GALNT13: variants seen among roughly 807,000 people sequenced by gnomAD.
GALNT13 encodes the protein UDP-GalNAc:polypeptide N-acetylgalactosaminyltransferase 13.
A neutral mutation model predicts 64.2 loss-of-function variants in GALNT13; 28 were observed. The ratio of observed to expected loss-of-function variants is 0.44; its 90% CI spans 0.32 to 0.60. The LOEUF (loss-of-function observed/expected upper bound fraction) is 0.60, where lower values mean the gene tolerates loss of function less well. GALNT13 is among the 20% of genes least tolerant of loss of function. The probability of loss-of-function intolerance (pLI) is 0.05; values close to 1 mark genes in which losing one functional copy is unlikely to be tolerated. For missense variants in GALNT13, 577 were observed against 669.8 expected, an observed-to-expected ratio of 0.86 and a Z score of 1.53; for synonymous variants, 214 against 224.6, an observed-to-expected ratio of 0.95 and a Z score of 0.42.
the GALNT13 span, among the ~76,000 whole-genome samples, chr2:153,595,533 A>G: frequency 6.6e-6 from 1 of 152,032 alleles, no homozygotes; most frequent in Non-Finnish European, 1.5e-5. Context: ...CTTATTTCAT[A>G]AAGCCATTAA....
intron 8 of GALNT13, among the ~76,000 whole-genome samples, chr2:154,292,354 C>T (rs769032978): frequency 1.3e-5 from 2 of 152,132 alleles, no homozygotes; most frequent in Non-Finnish European, 2.9e-5. Flanking sequence ...TATTTCACTG[C>T]CATCACCTTG....
chr2:153,961,672 A>G (rs994335325), intron 3 of GALNT13, among the ~76,000 whole-genome samples: 6 of 152,198 alleles, frequency 3.9e-5, no homozygotes, highest in Non-Finnish European at 5.9e-5. Context: ...TAATCTTTAA[A>G]AAATGGAAAT....
chr2:153,914,315 C>A (rs1465494489), intron 2 of GALNT13, among the ~76,000 whole-genome samples: 1 of 151,930 alleles, frequency 6.6e-6, no homozygotes, highest in African/African-American at 2.4e-5. Context: ...GAAACCCCGT[C>A]TCTACTAAAA....
rs77743036 is a variant in GALNT13, at chr2:154,208,613, G to A, written c.312-33417G>A. 7.6e-3 allele frequency among the ~76,000 whole-genome samples: 1,044 copies of A among 137,280 alleles called. 9 individuals are homozygous for A. The highest frequency in any genetic ancestry group is 0.028 in the African/African-American group (1,009 of 36,360). The allele number at this position is 137,280 out of a possible 152,430, so 90.1% of individuals were successfully genotyped here. On this transcript the variant is annotated intron_variant, in intron 4 of 12. Coordinates refer to ENST00000392825, the MANE Select transcript of GALNT13 (RefSeq NM_052917.4). Reference sequence around the variant, plus strand: ...CACTGCCTTGTCTTATTTTAATCACGTTTTGCGTGTCTGTGTGTGTGTGTG... The same window carrying A: ...CACTGCCTTGTCTTATTTTAATCACATTTTGCGTGTCTGTGTGTGTGTGTG...
At chr2:153,435,377 T>A in the GALNT13 span, among the ~76,000 whole-genome samples, 1 of 152,296 alleles carries the variant, frequency 6.6e-6, no homozygotes, top group Non-Finnish European at 1.5e-5. Context: ...AAGTCATTGG[T>A]AGCTTGATGG....
chr2:153,297,714 T>C, the GALNT13 span, among the ~76,000 whole-genome samples: 2 of 152,302 alleles, frequency 1.3e-5, no homozygotes, highest in African/African-American at 4.8e-5. Flanking sequence ...TAATGAGCAG[T>C]CATTCAGGCT....
the GALNT13 span, among the ~76,000 whole-genome samples, chr2:153,519,504 C>CT: frequency 1.3e-5 from 2 of 151,814 alleles, no homozygotes; most frequent in Admixed American, 6.6e-5. Context: ...TCTTTTTTTT[C>CT]TTTTTAACTG....
At chr2:153,311,080 CAAT>C in the GALNT13 span, among the ~76,000 whole-genome samples, 1 of 152,000 alleles carries the variant, frequency 6.6e-6, no homozygotes, top group East Asian at 1.9e-4. Flanking sequence ...AGAAGGAAGA[CAAT>C]ATTTTCAGGG....
chr2:153,585,233 A>T, the GALNT13 span, among the ~76,000 whole-genome samples: 1 of 152,200 alleles, frequency 6.6e-6, no homozygotes, highest in Admixed American at 6.5e-5. Context: ...TTTACAAAAA[A>T]CAAACCAAAT....
chr2:154,206,724 C>A (rs1036996741), intron 4 of GALNT13, among the ~76,000 whole-genome samples: 2 of 151,306 alleles, frequency 1.3e-5, no homozygotes, highest in East Asian at 3.9e-4. Context: ...TTGAACCTTG[C>A]AGTGAGCCGA....
At chr2:153,621,107 A>G in the GALNT13 span, among the ~76,000 whole-genome samples, 1 of 152,016 alleles carries the variant, frequency 6.6e-6, no homozygotes, top group African/African-American at 2.4e-5. Context: ...TCTCCCAAAC[A>G]AACAGAGTCC....
At chr2:153,691,985 T>C in the GALNT13 span, among the ~76,000 whole-genome samples, 41 of 152,286 alleles carry the variant, frequency 2.7e-4, 1 homozygote, top group East Asian at 6.8e-3. Flanking sequence ...AAACACCATT[T>C]TGGAGAACAT....
At chr2:153,092,128 C>G in the GALNT13 span, among the ~76,000 whole-genome samples, 1 of 151,980 alleles carries the variant, frequency 6.6e-6, no homozygotes, top group Non-Finnish European at 1.5e-5. Context: ...GTTTTTGGCA[C>G]CTTTGTCAAA....
the GALNT13 span, among the ~76,000 whole-genome samples, chr2:153,506,843 T>C: frequency 6.6e-6 from 1 of 152,330 alleles, no homozygotes; most frequent in African/African-American, 2.4e-5. Flanking sequence ...TGTGATGAAT[T>C]TCCCAGGTGT....
the GALNT13 span, among the ~76,000 whole-genome samples, chr2:153,756,406 G>A: frequency 6.6e-6 from 1 of 152,076 alleles, no homozygotes. Context: ...ATTTAAAGGA[G>A]ACAGAACTAG....
At chr2:153,692,046 T>C in the GALNT13 span, among the ~76,000 whole-genome samples, 1 of 152,180 alleles carries the variant, frequency 6.6e-6, no homozygotes, top group Non-Finnish European at 1.5e-5. Context: ...ATGCCACATG[T>C]GTATGGAAAT....
intron 8 of GALNT13, among the ~76,000 whole-genome samples, chr2:154,290,660 G>A (rs771400656): frequency 1.3e-5 from 2 of 152,146 alleles, no homozygotes; most frequent in African/African-American, 2.4e-5. Flanking sequence ...CTGCTAGGAG[G>A]GCTCATGTTG....
Position 153,888,428 on chromosome 2 carries a change from C to G in GALNT13, c.-176-12508C>G, listed in dbSNP as rs1363911627. Among the ~76,000 whole-genome samples, 6 of 151,840 alleles carry G rather than the reference C, an allele frequency of 4.0e-5. No individual in the cohort carries two copies. The East Asian group carries it at 1.2e-3, about 29-fold the overall frequency. On this transcript the variant is annotated intron_variant, in intron 1 of 12. Transcript: ENST00000392825. ...GGTTATTAAATAGTATTGTATTTATCTGTGTTTAAAAAATGTTTCATATTG... is the reference window on the plus strand; with the variant it reads ...GGTTATTAAATAGTATTGTATTTATGTGTGTTTAAAAAATGTTTCATATTG...
chr2:153,613,597 A>G, the GALNT13 span, among the ~76,000 whole-genome samples: 1 of 152,160 alleles, frequency 6.6e-6, no homozygotes, highest in African/African-American at 2.4e-5. Flanking sequence ...ATTTCTGAGA[A>G]TTATAAAATA....
Sources: allele counts gnomAD v4.1 joint callset (sites outside exome capture counted in the v4.1 genomes callset), GRCh38; gene constraint gnomAD v4.1.1; transcripts MANE v1.5; gene names NCBI Gene and HGNC (gene_info 2026-07-23, HGNC 2026-07-21).